Variants in RAI1 observed in about 807,000 individuals in gnomAD.
RAI1 encodes the protein retinoic acid-induced protein 1.
A neutral mutation model predicts 123.8 loss-of-function variants in RAI1; 9 were observed. The observed-to-expected ratio is 0.07, with a 90% CI of 0.04 to 0.13. The LOEUF is 0.13. Among genes scored for constraint, RAI1 ranks in the 10% least tolerant of loss-of-function variants. RAI1 has a pLI of 1.00. For missense variants in RAI1, 2,256 were observed against 2,545.8 expected, an observed-to-expected ratio of 0.89 and a Z score of 2.45; for synonymous variants, 1,231 against 1,127.3, an observed-to-expected ratio of 1.09 and a Z score of -1.84.
At chr17:17,744,574 C>T (rs1177482690) in intron 2 of RAI1, among the ~76,000 whole-genome samples, 2 of 152,060 alleles carry the variant, frequency 1.3e-5, no homozygotes, top group African/African-American at 2.4e-5. Context: ...GGACAGATCA[C>T]GAGGTCAGGA....
rs2032750003 is a variant in RAI1, at chr17:17,810,976, G to A, written c.*995G>A. On this transcript the variant is annotated 3_prime_UTR_variant, in exon 6 of 6. Transcript: ENST00000353383. The surrounding 1 kb of genome is among the most constrained non-coding windows in gnomAD (Gnocchi z 4.6). ...CTCGCTTCTCCCGTGTGTCGCCGCC[G>A]TGCGTCGTGCGCCCGCAACAGAGCC... 3.1e-6 allele frequency: 1 copy of A among 324,228 alleles called. No homozygotes were observed. Among genetic ancestry groups the A allele is most frequent in the Non-Finnish European group, 6.3e-6 (1 of 159,644 alleles). 20.1% of individuals were successfully genotyped at this position (324,228 alleles called of 1,614,324 possible).
intron 2 of RAI1, among the ~76,000 whole-genome samples, chr17:17,727,117 G>A (rs1916118191): frequency 6.6e-6 from 1 of 152,228 alleles, no homozygotes; most frequent in South Asian, 2.1e-4. Context: ...TGATGCCGAA[G>A]GCTCCGACTG....
At chr17:17,726,190 G>A (rs569739305) in intron 2 of RAI1, among the ~76,000 whole-genome samples, 3 of 152,270 alleles carry the variant, frequency 2.0e-5, no homozygotes, top group South Asian at 2.1e-4. Context: ...CAGGGCCATC[G>A]GAAACTGGAA....
chr17:17,808,474 G>A (rs1460952095), intron 4 of RAI1, among the ~76,000 whole-genome samples: 1 of 142,926 alleles, frequency 7.0e-6, no homozygotes, highest in Admixed American at 7.0e-5. Context: ...CTCAGACAGG[G>A]CCTGGCTGTG....
rs142316059 is a variant in RAI1 at position 17,793,992 on chromosome 17, C to T, written c.1044C>T (p.Arg348=). 2,207 of 1,614,028 alleles carry T rather than the reference C, an allele frequency of 1.4e-3. 18 individuals carry two copies. The African/African-American group carries it at 0.02, about 15-fold the overall frequency. Reference sequence around the variant, plus strand: ...CCAGCTCCAGCCACTCACCCGCCCGCTCCGTGGGCCGCTCACCTTCCTACA... The same window carrying T: ...CCAGCTCCAGCCACTCACCCGCCCGTTCCGTGGGCCGCTCACCTTCCTACA... ...FSPSSSHSPA[R]SVGRSPSYSS... Residue 348 remains arginine (R), a synonymous_variant, in exon 3 of 6, where the codon CGC becomes CGT. Coordinates refer to ENST00000353383, the MANE Select transcript of RAI1 (RefSeq NM_030665.4).
intron 1 of RAI1, among the ~76,000 whole-genome samples, chr17:17,682,289 G>A (rs568587102): frequency 2.0e-5 from 3 of 152,122 alleles, no homozygotes; most frequent in East Asian, 3.9e-4. Context: ...AGTCAGGGCC[G>A]GCGAAGGCCG....
rs1468034491 is a variant in RAI1 at position 17,723,759 on chromosome 17, C to T, written c.-148-269C>T. Reference sequence around the variant, plus strand: ...GCTGCGCGCAGCCAAGCCCCCTCATCGCGCGCCCCTCCCCGCGCGCGCCCC... The same window carrying T: ...GCTGCGCGCAGCCAAGCCCCCTCATTGCGCGCCCCTCCCCGCGCGCGCCCC... On this transcript the variant is annotated intron_variant, in intron 1 of 5. Coordinates refer to ENST00000353383, the MANE Select transcript of RAI1 (RefSeq NM_030665.4). 2.0e-5 allele frequency among the ~76,000 whole-genome samples: 3 copies of T among 148,784 alleles called. No homozygotes were observed. The East Asian group carries it at 6.3e-4, about 31-fold the overall frequency.
Position 17,793,605 on chromosome 17 carries a change from C to T in RAI1, c.657C>T (p.Ser219=). ...FPQHSQSFPT[S]STYSSSVQGG... is the part of the protein sequence containing the mutation. ...AGCATTCCCAGTCCTTCCCCACCTC[C>T]TCCACCTACTCCTCCTCTGTCCAGG... is the stretch of plus-strand genomic sequence containing the variant. The change falls in exon 3 of 6, where the codon TCC becomes TCT. Residue 219 remains serine, a synonymous_variant. Transcript: ENST00000353383. 6.2e-7 allele frequency: 1 copy of T among 1,613,586 alleles called. No homozygotes were observed. The highest frequency in any genetic ancestry group is 8.5e-7 in the Non-Finnish European group (1 of 1,179,990).
intron 2 of RAI1, among the ~76,000 whole-genome samples, chr17:17,785,841 C>T (rs977958720): frequency 1.3e-5 from 2 of 152,180 alleles, no homozygotes; most frequent in Non-Finnish European, 2.9e-5. Flanking sequence ...TGGGTGCCAT[C>T]GAGCCCATGC....
intron 2 of RAI1, among the ~76,000 whole-genome samples, chr17:17,742,281 A>T (rs1342305013): frequency 6.6e-6 from 1 of 152,232 alleles, no homozygotes; most frequent in Non-Finnish European, 1.5e-5. Flanking sequence ...TTCCAGGCTC[A>T]CCACAGACAG....
At chr17:17,792,454 A>G (rs923468344) in intron 2 of RAI1, among the ~76,000 whole-genome samples, 4 of 152,048 alleles carry the variant, frequency 2.6e-5, no homozygotes, top group Non-Finnish European at 4.4e-5. Context: ...AAGGGACTAA[A>G]TTACAGGATC....
At chr17:17,807,909 C>T (rs8079735) in intron 4 of RAI1, among the ~76,000 whole-genome samples, 12 of 152,330 alleles carry the variant, frequency 7.9e-5, no homozygotes, top group African/African-American at 2.9e-4. Context: ...CCGTGGCACT[C>T]CAGCTTCTGG....
chr17:17,782,676 A>C (rs2031635974), intron 2 of RAI1, among the ~76,000 whole-genome samples: 1 of 19,306 alleles, frequency 5.2e-5, no homozygotes. Context: ...AAGAAGGGAT[A>C]GGGAGGGAGG....
intron 2 of RAI1, among the ~76,000 whole-genome samples, chr17:17,732,350 T>C (rs989417423): frequency 7.9e-5 from 12 of 152,120 alleles, no homozygotes; most frequent in Admixed American, 7.2e-4. Flanking sequence ...AGGAACAGGT[T>C]GGAGCAGGGA....
chr17:17,713,603 T>C (rs926095745), intron 1 of RAI1, among the ~76,000 whole-genome samples: 1 of 152,160 alleles, frequency 6.6e-6, no homozygotes, highest in Non-Finnish European at 1.5e-5. Context: ...ATCTTGCTAC[T>C]GTACTGCAGC....
chr17:17,710,516 C>T (rs1195645176), intron 1 of RAI1, among the ~76,000 whole-genome samples: 2 of 152,242 alleles, frequency 1.3e-5, no homozygotes, highest in Non-Finnish European at 2.9e-5. Context: ...TCAGAGGCTG[C>T]CAGTGGTGGC....
intron 2 of RAI1, among the ~76,000 whole-genome samples, chr17:17,733,370 C>A (rs142991094): frequency 1.3e-5 from 2 of 152,210 alleles, no homozygotes; most frequent in Admixed American, 6.5e-5. Flanking sequence ...TGAAAGGATG[C>A]AGAATGCTTG....
At chr17:17,706,022 CAA>C (rs1197967787) in intron 1 of RAI1, among the ~76,000 whole-genome samples, 16 of 37,372 alleles carry the variant, frequency 4.3e-4, no homozygotes, top group African/African-American at 1.1e-3. Flanking sequence ...GACTCTGTCT[CAA>C]AAAAAAAAAA....
intron 3 of RAI1, among the ~76,000 whole-genome samples, chr17:17,798,784 G>A (rs1260977953): frequency 6.6e-6 from 1 of 152,246 alleles, no homozygotes; most frequent in South Asian, 2.1e-4. Context: ...CCACTCACCT[G>A]GCATCTTCAG....
Sources: allele counts gnomAD v4.1 joint callset (sites outside exome capture counted in the v4.1 genomes callset), GRCh38; gene constraint gnomAD v4.1.1; non-coding constraint Gnocchi (gnomAD v3.1); transcripts MANE v1.5; gene names NCBI Gene and HGNC (gene_info 2026-07-23, HGNC 2026-07-21).